TLE3: variants seen among roughly 807,000 people sequenced by gnomAD.
TLE3 encodes the protein TLE family member 3, transcriptional corepressor.
TLE3 carries 14 observed loss-of-function variants against 93.0 expected under a neutral mutation model. The ratio of observed to expected loss-of-function variants is 0.15; its 90% CI spans 0.10 to 0.24. TLE3 has a LOEUF of 0.24. TLE3 is among the 10% of genes least tolerant of loss of function. TLE3 has a pLI of 1.00. For synonymous variants in TLE3, 451 were observed against 425.0 expected (o/e 1.06, Z -0.75); for missense variants, 693 against 1,046.6 (o/e 0.66, Z 4.66).
Position 70,076,087 on chromosome 15 carries a change from A to G in TLE3, c.297+9T>C, listed in dbSNP as rs1291460269. On this transcript the variant is annotated intron_variant, in intron 5 of 19. Transcript: ENST00000451782. ...AAGAAAAGGAAGAAATAATAAAAGAAGGTCTTACCTCTTGTGACAGGAAAG... is the reference window on the plus strand; with the variant it reads ...AAGAAAAGGAAGAAATAATAAAAGAGGGTCTTACCTCTTGTGACAGGAAAG... 6.2e-7 allele frequency: 1 copy of G among 1,613,312 alleles called. No homozygotes were observed.
intron 6 of TLE3, chr15:70,066,946 A>C (rs1567013701): frequency 5.4e-6 from 2 of 372,464 alleles, no homozygotes; most frequent in East Asian, 1.7e-4. Context: ...TTATCTGTAA[A>C]GGGGGAAAGC....
At chr15:70,086,205 C>A (rs1000935916) in intron 4 of TLE3, among the ~76,000 whole-genome samples, 3 of 152,200 alleles carry the variant, frequency 2.0e-5, no homozygotes, top group Admixed American at 1.3e-4. Context: ...ACCTCACCCC[C>A]ACCAGAGAGC....
Position 70,096,677 on chromosome 15 carries a change from C to T in TLE3, c.24+98G>A, listed in dbSNP as rs1402485516. The T allele has an allele frequency of 1.9e-6, 3 of 1,563,108 alleles. No individual in the cohort carries two copies. The African/African-American group carries it at 4.1e-5, about 21-fold the overall frequency. ...AGAGCACACACACAAACACACACAC[C>T]ATAAAGGTAGCAACAAGCAAAATGG... On this transcript the variant is annotated intron_variant, in intron 1 of 19. Coordinates refer to ENST00000451782, the MANE Select transcript of TLE3 (RefSeq NM_001105192.3).
At chr15:70,079,160 C>T (rs1277630260) in intron 4 of TLE3, among the ~76,000 whole-genome samples, 1 of 151,988 alleles carries the variant, frequency 6.6e-6, no homozygotes, top group Non-Finnish European at 1.5e-5. Flanking sequence ...CCCCTCCACC[C>T]TCCTAAAGTA....
Position 70,060,585 on chromosome 15 carries a change from T to C in TLE3, c.659A>G (p.Tyr220Cys). ...ASEKHRGSAD[Y>C]SMEAKKRKAE... ...CTTCCGCTTCTTGGCTTCCATGCTGTAGTCCGCAGAGCCCCGGTGCTTCTC... is the reference window on the plus strand; with the variant it reads ...CTTCCGCTTCTTGGCTTCCATGCTGCAGTCCGCAGAGCCCCGGTGCTTCTC... Residue 220 changes from tyrosine (Y) to cysteine (C), a missense_variant, in exon 9 of 20, where the codon TAC (tyrosine) becomes TGC (cysteine). Transcript: ENST00000451782. 2 of 1,614,040 alleles carry C rather than the reference T, an allele frequency of 1.2e-6. No individual in the cohort carries two copies. The highest frequency in any genetic ancestry group is 1.7e-6 in the Non-Finnish European group (2 of 1,179,896).
At chr15:70,082,829 C>T (rs1014776959) in intron 4 of TLE3, among the ~76,000 whole-genome samples, 8 of 152,176 alleles carry the variant, frequency 5.3e-5, no homozygotes, top group Non-Finnish European at 1.0e-4. Context: ...GAGGAGGAAA[C>T]ACACTCACCC....
At position 70,059,000 on chromosome 15, in the gene TLE3, G is replaced by A. The variant is rs935856825; in HGVS notation, c.766-185C>T. Among the ~76,000 whole-genome samples the A allele has an allele frequency of 1.3e-5, 2 of 152,200 alleles. No individual in the cohort carries two copies. Among genetic ancestry groups the A allele is most frequent in the African/African-American group, 2.4e-5 (1 of 41,426 alleles). ...CTGGTCTGACTGAGGCCTAGGGAGG[G>A]TGGAAGGATGGTCTTCCCAATGTCA... is the stretch of plus-strand genomic sequence containing the variant. On this transcript the variant is annotated intron_variant, in intron 10 of 19. Transcript: ENST00000451782. This position sits in a 1 kb window ranked among gnomAD's most constrained non-coding sequence, Gnocchi z 4.1.
intron 13 of TLE3, among the ~76,000 whole-genome samples, chr15:70,057,190 C>G (rs2056121589): frequency 6.6e-6 from 1 of 152,242 alleles, no homozygotes; most frequent in African/African-American, 2.4e-5. Flanking sequence ...AGGTGTCAGC[C>G]CCGTTTTGCA....
intron 18 of TLE3, 128 bp downstream of exon 18, chr15:70,052,246 G>A: frequency 1.7e-6 from 2 of 1,198,286 alleles, no homozygotes; most frequent in Non-Finnish European, 2.3e-6. Flanking sequence ...CCAGCTCAGG[G>A]GTCAGGAGGC....
intron 5 of TLE3, 135 bp downstream of exon 5, chr15:70,075,961 G>T: frequency 2.6e-6 from 2 of 770,636 alleles, no homozygotes; most frequent in Non-Finnish European, 4.3e-6. Flanking sequence ...AAATCTCCAG[G>T]TTGTCAGCTC....
rs2228176 is a variant in TLE3, at chr15:70,060,629, C to A, written c.615G>T (p.Ser205=). ...ESSANNSVSP[S]ESLRASEKHR... is the part of the protein sequence containing the mutation. ...GCTTCTCACTGGCCCGGAGGCTTTC[C>A]GAGGGTGACACAGAGTTATTCTGGA... The change falls in exon 9 of 20, where the codon TCG becomes TCT. Residue 205 remains serine (S), a synonymous_variant. Coordinates refer to ENST00000451782, the MANE Select transcript of TLE3 (RefSeq NM_001105192.3). 4.4e-4 allele frequency: 713 copies of A among 1,613,746 alleles called. 1 individual carries two copies. The highest frequency in any genetic ancestry group is 9.9e-4 in the Middle Eastern group (6 of 6,060).
intron 17 of TLE3, chr15:70,052,997 G>T: frequency 1.9e-6 from 1 of 526,102 alleles, no homozygotes; most frequent in Non-Finnish European, 3.3e-6. Context: ...TAGCAGCAGA[G>T]AATGAATCGA....
At position 70,055,135 on chromosome 15, in the gene TLE3, C is replaced by G. The variant is rs1224907872; in HGVS notation, c.1492G>C (p.Val498Leu). 6.2e-7 allele frequency: 1 copy of G among 1,613,892 alleles called. No homozygotes were observed. The highest frequency in any genetic ancestry group is 8.5e-7 in the Non-Finnish European group (1 of 1,179,992). The change falls in exon 15 of 20, where the codon GTC becomes CTC. Residue 498 changes from valine to leucine, a missense_variant. Val to Leu is a conservative substitution (Grantham distance 32). Coordinates refer to ENST00000451782, the MANE Select transcript of TLE3 (RefSeq NM_001105192.3). ...AVTISNPTRHVYTGGKGCVKI... is the reference protein window; with the variant it reads ...AVTISNPTRHLYTGGKGCVKI... The stretch of plus-strand genomic sequence containing the variant: ...ACGCAGCCCTTGCCACCTGTGTAGA[C>G]GTGCCTCGTGGGGTTGCTGATGGTC...
chr15:70,061,955 C>T (rs2056505153), intron 8 of TLE3, among the ~76,000 whole-genome samples: 1 of 152,184 alleles, frequency 6.6e-6, no homozygotes, highest in African/African-American at 2.4e-5. Context: ...TGAGGCTTCC[C>T]TTCTCTTCTC....
rs575353417 is a variant in TLE3, at chr15:70,048,201, A to G, written c.*1896T>C. On this transcript the variant is annotated 3_prime_UTR_variant, in exon 20 of 20. Coordinates refer to ENST00000451782, the MANE Select transcript of TLE3 (RefSeq NM_001105192.3). ...GAGGCAATTAAGACGCAACAATCAA[A>G]CCAACCTTTAAATAGTAACTTTTAA... 1 of 152,314 alleles carries G rather than the reference A, an allele frequency of 6.6e-6. No homozygotes were observed. Among genetic ancestry groups the G allele is most frequent in the East Asian group, 1.9e-4 (1 of 5,182 alleles). The allele number at this position is 152,314 out of a possible 1,614,324, so 9.4% of individuals were successfully genotyped here.
At position 70,097,447 on chromosome 15, in the gene TLE3, TGCCGCTGCCGCCGCC is replaced by T. The variant is rs982667793; in HGVS notation, c.-664_-650del. On this transcript the variant is annotated 5_prime_UTR_variant, in exon 1 of 20. Transcript: ENST00000451782. ...GAGAGCCTGCTGTTCCGTCTGCTAC[TGCCGCTGCCGCCGCC>T]GCCGCCGCCGCTGCAAGCCCTTCCC... is the stretch of plus-strand genomic sequence containing the variant. 53 of 417,356 alleles carry T rather than the reference TGCCGCTGCCGCCGCC, an allele frequency of 1.3e-4. No homozygotes were observed. Among genetic ancestry groups the T allele is most frequent in the East Asian group, 2.8e-4 (8 of 28,400 alleles). 25.9% of individuals were successfully genotyped at this position (417,356 alleles called of 1,614,324 possible). A position where few individuals can be genotyped will look rare whatever the true frequency, so the allele number is the denominator to read the frequency against.
At chr15:70,083,774 C>G (rs180783343) in intron 4 of TLE3, among the ~76,000 whole-genome samples, 1,776 of 152,066 alleles carry the variant, frequency 0.012, 20 homozygotes, top group South Asian at 0.068. Context: ...GGTCTCCCCC[C>G]ATCAGGTCAG....
intron 6 of TLE3, among the ~76,000 whole-genome samples, chr15:70,074,229 T>C (rs966545659): frequency 4.6e-5 from 7 of 152,150 alleles, no homozygotes; most frequent in Admixed American, 4.6e-4. Context: ...AAGGTGACCC[T>C]AGGCCCCCAC....
intron 8 of TLE3, among the ~76,000 whole-genome samples, chr15:70,063,303 G>T (rs1025382138): frequency 6.6e-6 from 1 of 152,316 alleles, no homozygotes; most frequent in South Asian, 2.1e-4. Context: ...CCGAAAAAAT[G>T]CCACTGTTAG....
Sources: allele counts gnomAD v4.1 joint callset (sites outside exome capture counted in the v4.1 genomes callset), GRCh38; gene constraint gnomAD v4.1.1; non-coding constraint Gnocchi (gnomAD v3.1); transcripts MANE v1.5; gene names NCBI Gene and HGNC (gene_info 2026-07-23, HGNC 2026-07-21).